The following TTBK2 variants were observed in gnomAD, a reference collection of about 807,000 sequenced individuals.
The protein encoded by TTBK2 is tau tubulin kinase 2.
TTBK2 carries 28 observed loss-of-function variants against 110.8 expected under a neutral mutation model. The ratio of observed to expected loss-of-function variants is 0.25; its 90% confidence interval spans 0.19 to 0.35. TTBK2 has a LOEUF of 0.35. TTBK2 is among the 10% of genes least tolerant of loss of function. TTBK2 has a pLI of 1.00. For synonymous variants in TTBK2, 532 were observed against 527.3 expected (o/e 1.01, Z -0.12); for missense variants, 1,369 against 1,500.3 (o/e 0.91, Z 1.45).
At chr15:42,883,325 C>T (rs953558854) in intron 1 of TTBK2, among the ~76,000 whole-genome samples, 2 of 146,620 alleles carry the variant, frequency 1.4e-5, no homozygotes, top group African/African-American at 2.5e-5. Context: ...TGCGGTGAGC[C>T]GAAATTGTGC....
chr15:42,877,406 C>T (rs1894857102), intron 2 of TTBK2, among the ~76,000 whole-genome samples: 1 of 152,006 alleles, frequency 6.6e-6, no homozygotes, highest in Admixed American at 6.6e-5. Context: ...AATGTGTTAA[C>T]CCCAAATGGA....
At chr15:42,811,931 T>TAA in intron 7 of TTBK2, 151 bp from the exon 8 acceptor site, 1 of 466,074 alleles carries the variant, frequency 2.1e-6, no homozygotes. Context: ...TATATATATA[T>TAA]AAATTTACAT....
At chr15:42,910,479 T>C (rs775326935) in intron 1 of TTBK2, among the ~76,000 whole-genome samples, 103 of 152,300 alleles carry the variant, frequency 6.8e-4, no homozygotes, top group Non-Finnish European at 9.0e-4. Flanking sequence ...ATGAAATATC[T>C]TTCACCTCCC....
chr15:42,822,777 A>T (rs1305454193), intron 6 of TTBK2, among the ~76,000 whole-genome samples: 1 of 152,242 alleles, frequency 6.6e-6, no homozygotes, highest in Non-Finnish European at 1.5e-5. Flanking sequence ...GAAGTATAAC[A>T]GATAGCCTGA....
intron 7 of TTBK2, among the ~76,000 whole-genome samples, chr15:42,814,178 C>T (rs1248857423): frequency 6.6e-6 from 1 of 152,022 alleles, no homozygotes; most frequent in African/African-American, 2.4e-5. Flanking sequence ...CCCGCCACCA[C>T]ACCCAGCTAA....
intron 9 of TTBK2, chr15:42,801,836 A>T: frequency 2.2e-6 from 2 of 900,170 alleles, no homozygotes; most frequent in Non-Finnish European, 1.8e-6. Flanking sequence ...ATGAGCACAA[A>T]TTCATTCTCC....
At chr15:42,907,471 T>G (rs552869502) in intron 1 of TTBK2, among the ~76,000 whole-genome samples, 1 of 152,212 alleles carries the variant, frequency 6.6e-6, no homozygotes, top group African/African-American at 2.4e-5. Context: ...TGGTATACAC[T>G]GTGTATACAC....
chr15:42,895,698 C>G (rs1246476684), intron 1 of TTBK2, among the ~76,000 whole-genome samples: 1 of 151,924 alleles, frequency 6.6e-6, no homozygotes, highest in Non-Finnish European at 1.5e-5. Context: ...CCACCACGCC[C>G]AGCTAATTTT....
chr15:42,775,183 C>T lies in TTBK2; in HGVS notation c.1950G>A (p.Ala650=), dbSNP rs917886161. Residue 650 remains alanine, a synonymous_variant, in exon 13 of 15, where the codon GCG becomes GCA. Transcript: ENST00000267890. ...QPGAASQFIA[A]TPTSLMEAQA... ...GCGCCTCCATTAGACTTGTGGGCGT[C>T]GCTGCAATAAACTGACTAGCAGCTC... 6.8e-6 allele frequency: 11 copies of T among 1,614,154 alleles called. No individual in the cohort carries two copies. Among genetic ancestry groups the T allele is most frequent in the East Asian group, 2.2e-5 (1 of 44,892 alleles).
chr15:42,835,034 C>T (rs367552100), intron 4 of TTBK2, among the ~76,000 whole-genome samples: 3 of 152,200 alleles, frequency 2.0e-5, no homozygotes, highest in East Asian at 3.9e-4. Flanking sequence ...AGTAGTCCTG[C>T]CTTTCCTATA....
rs552298345 is a variant in TTBK2, at chr15:42,891,640, G to A, written c.-67-12956C>T. Among the ~76,000 whole-genome samples the A allele has an allele frequency of 7.2e-5, 11 of 152,234 alleles. No individual in the cohort carries two copies. The South Asian group carries it at 1.0e-3, about 14-fold the overall frequency. On this transcript the variant is annotated intron_variant, in intron 1 of 14. Coordinates refer to ENST00000267890, the MANE Select transcript of TTBK2 (RefSeq NM_173500.4). ...TGGCTCCACAAGTAGAGAAGCTCCC[G>A]TGCTTGGGAGCCTTACAAACTTATC...
At chr15:42,759,274 C>T (rs2061989669) in intron 13 of TTBK2, among the ~76,000 whole-genome samples, 1 of 152,236 alleles carries the variant, frequency 6.6e-6, no homozygotes, top group South Asian at 2.1e-4. Flanking sequence ...CTTCCAAACC[C>T]CTGAGGAGCT....
At chr15:42,791,055 G>C (rs948959976) in intron 10 of TTBK2, among the ~76,000 whole-genome samples, 1 of 151,962 alleles carries the variant, frequency 6.6e-6, no homozygotes, top group Non-Finnish European at 1.5e-5. Flanking sequence ...GGCTAATTTT[G>C]TTTTTGTATT....
At chr15:42,763,687 C>T (rs1889212980) in intron 13 of TTBK2, among the ~76,000 whole-genome samples, 1 of 151,986 alleles carries the variant, frequency 6.6e-6, no homozygotes, top group Non-Finnish European at 1.5e-5. Flanking sequence ...TATTATGTGC[C>T]AATTATAACT....
chr15:42,790,994 C>T (rs1890648973), intron 10 of TTBK2, among the ~76,000 whole-genome samples: 1 of 152,212 alleles, frequency 6.6e-6, no homozygotes, highest in Non-Finnish European at 1.5e-5. Flanking sequence ...CGCCATTCTC[C>T]CGCCTCAGCC....
intron 6 of TTBK2, among the ~76,000 whole-genome samples, chr15:42,821,661 T>C (rs1037338430): frequency 5.3e-5 from 8 of 151,770 alleles, no homozygotes; most frequent in African/African-American, 1.9e-4. Flanking sequence ...TAGGCAGTGG[T>C]ATCTTGCCAG....
chr15:42,832,217 T>C (rs1037450470), intron 4 of TTBK2, among the ~76,000 whole-genome samples: 2 of 152,214 alleles, frequency 1.3e-5, no homozygotes, highest in Non-Finnish European at 2.9e-5. Context: ...AGCATTCCAA[T>C]AGTTTTTTCT....
chr15:42,748,997 C>T lies in TTBK2; in HGVS notation c.3273-2740G>A, dbSNP rs192713604. Among the ~76,000 whole-genome samples the T allele has an allele frequency of 2.9e-3, 444 of 152,252 alleles. 1 individual carries two copies. Among genetic ancestry groups the T allele is most frequent in the Non-Finnish European group, 4.1e-3 (276 of 68,018 alleles). ...CAACGTATTCTTCACTAGCATTTGA[C>T]ATCATAATGGCATTATGGGACATAA... On this transcript the variant is annotated intron_variant, in intron 14 of 14. Coordinates refer to ENST00000267890, the MANE Select transcript of TTBK2 (RefSeq NM_173500.4).
intron 13 of TTBK2, among the ~76,000 whole-genome samples, chr15:42,771,034 C>T (rs55656304): frequency 9.9e-5 from 15 of 151,072 alleles, no homozygotes; most frequent in East Asian, 3.9e-4. Context: ...AGTGCAGTGG[C>T]GCGATCTCGG....
Sources: gnomAD v4.1 joint callset for allele counts (sites outside exome capture counted in the v4.1 genomes callset) on GRCh38, gnomAD v4.1.1 for gene constraint, MANE v1.5 for transcripts, NCBI Gene and HGNC (gene_info 2026-07-23, HGNC 2026-07-21) for gene names.